Variants in KHDC1 observed in about 807,000 individuals in gnomAD.
The protein encoded by KHDC1 is KH domain containing 1.
Under a neutral mutation model 24.7 loss-of-function variants are expected in KHDC1, and 21 were observed. The ratio of observed to expected loss-of-function variants is 0.85; its 90% CI spans 0.60 to 1.23. The LOEUF is 1.23. KHDC1 is among the 50% of genes most tolerant of loss of function. KHDC1 has a pLI of 0.00. For synonymous variants in KHDC1, 98 were observed against 111.7 expected, an observed-to-expected ratio of 0.88 and a Z score of 0.77; for missense variants, 274 against 298.5, an observed-to-expected ratio of 0.92 and a Z score of 0.61.
At chr6:73,291,229 G>A in intron 2 of KHDC1, 1 of 432,566 alleles carries the variant, frequency 2.3e-6, no homozygotes, top group Middle Eastern at 7.7e-4. Flanking sequence ...CCACTGCTCA[G>A]ACCACTGAAT....
chr6:73,296,285 T>C (rs1408208235), intron 1 of KHDC1, among the ~76,000 whole-genome samples: 1 of 151,626 alleles, frequency 6.6e-6, no homozygotes, highest in Non-Finnish European at 1.5e-5. Flanking sequence ...CAATACCCTG[T>C]CTCCTCTAAA....
chr6:73,285,644 T>C (rs1489237117), intron 2 of KHDC1, among the ~76,000 whole-genome samples: 2 of 144,420 alleles, frequency 1.4e-5, no homozygotes, highest in African/African-American at 5.5e-5. Flanking sequence ...CATTTTCTTT[T>C]TTTTCTTTTT....
intron 2 of KHDC1, among the ~76,000 whole-genome samples, chr6:73,261,110 C>G (rs1158424912): frequency 6.6e-6 from 1 of 152,170 alleles, no homozygotes; most frequent in Admixed American, 6.5e-5. Flanking sequence ...CCAGTTGATT[C>G]AAGTCTTGCC....
chr6:73,306,426 A>G (rs1349564659), intron 1 of KHDC1, among the ~76,000 whole-genome samples: 1 of 152,148 alleles, frequency 6.6e-6, no homozygotes, highest in Non-Finnish European at 1.5e-5. Context: ...ATCCAGGAGC[A>G]TCAGTTCTGC....
At chr6:73,282,638 C>G (rs973267248) in intron 2 of KHDC1, among the ~76,000 whole-genome samples, 6 of 152,136 alleles carry the variant, frequency 3.9e-5, no homozygotes, top group African/African-American at 1.4e-4. Flanking sequence ...CCCTAAACTG[C>G]TCTTAAGATC....
chr6:73,258,283 T>C (rs1766917096), intron 2 of KHDC1, among the ~76,000 whole-genome samples: 1 of 151,470 alleles, frequency 6.6e-6, no homozygotes, highest in Admixed American at 6.6e-5. Context: ...AGTAAGTAAG[T>C]AGTAATTAAG....
intron 2 of KHDC1, among the ~76,000 whole-genome samples, chr6:73,267,333 A>G (rs1767092383): frequency 6.6e-6 from 1 of 152,086 alleles, no homozygotes; most frequent in South Asian, 2.1e-4. Flanking sequence ...AAATGCAAAA[A>G]TTAGCTGGTT....
chr6:73,307,812 T>C (rs1453537456), intron 1 of KHDC1, among the ~76,000 whole-genome samples: 2 of 152,180 alleles, frequency 1.3e-5, no homozygotes, highest in Non-Finnish European at 2.9e-5. Flanking sequence ...CCACATCACC[T>C]GGAGGTCTTC....
chr6:73,261,183 C>G (rs1766973288), intron 2 of KHDC1, among the ~76,000 whole-genome samples: 2 of 152,216 alleles, frequency 1.3e-5, no homozygotes, highest in Admixed American at 6.5e-5. Context: ...TGGCTCACAC[C>G]TGTAATCCCA....
At chr6:73,249,733 T>C (rs1290216036) in intron 2 of KHDC1, among the ~76,000 whole-genome samples, 1 of 152,024 alleles carries the variant, frequency 6.6e-6, no homozygotes. Context: ...TAGAGGGGTT[T>C]TTATTTTTGT....
exon 1 of KHDC1, chr6:73,309,757 G>C (rs964295105): frequency 3.2e-6 from 5 of 1,545,166 alleles, no homozygotes; most frequent in Non-Finnish European, 4.4e-6. Context: ...GCTAAGGCAC[G>C]AGTAGTACAG....
At chr6:73,280,111 T>C (rs1767376387) in intron 2 of KHDC1, among the ~76,000 whole-genome samples, 1 of 152,176 alleles carries the variant, frequency 6.6e-6, no homozygotes, top group Non-Finnish European at 1.5e-5. Flanking sequence ...TACCCAGATA[T>C]TTACCCTCCT....
intron 1 of KHDC1, among the ~76,000 whole-genome samples, chr6:73,306,167 C>T (rs564659819): frequency 3.9e-5 from 6 of 152,156 alleles, no homozygotes; most frequent in Admixed American, 1.3e-4. Flanking sequence ...TGAATCCTCA[C>T]CCTTCCTGCC....
rs369171739 is a variant in KHDC1, at chr6:73,242,480, C to G, written c.257G>C (p.Trp86Ser). 246 of 1,614,000 alleles carry G rather than the reference C, an allele frequency of 1.5e-4. No individual in the cohort carries two copies. The highest frequency in any genetic ancestry group is 1.9e-4 in the Non-Finnish European group (229 of 1,180,034). ...ATGAAAGTTTTGAGGCAGGGTCCAC[C>G]ACGGCTTCTTGCTGAGAGCACTCGT... Residue 86 changes from tryptophan to serine, a missense_variant, in exon 3 of 5, where the codon TGG (tryptophan) becomes TCG (serine). Trp to Ser is a radical substitution (Grantham distance 177, BLOSUM62 -3). Coordinates refer to ENST00000370384, the Ensembl canonical transcript of KHDC1.
At chr6:73,241,622 C>A in exon 5 of KHDC1, 2 of 1,614,200 alleles carry the variant, frequency 1.2e-6, no homozygotes, top group South Asian at 2.2e-5. Flanking sequence ...TTCCACTTAT[C>A]CTGGGAGCCA....
intron 2 of KHDC1, among the ~76,000 whole-genome samples, chr6:73,267,070 C>T (rs554565070): frequency 1.3e-5 from 2 of 152,152 alleles, no homozygotes; most frequent in Admixed American, 6.5e-5. Flanking sequence ...TCTCCAAAGA[C>T]GATATACAAA....
intron 2 of KHDC1, chr6:73,291,188 T>C: frequency 2.1e-6 from 1 of 478,356 alleles, no homozygotes. Context: ...TTGGAGCACT[T>C]AGCCTACCAT....
intron 2 of KHDC1, among the ~76,000 whole-genome samples, chr6:73,257,013 TG>T (rs1211230606): frequency 2.0e-5 from 3 of 152,010 alleles, no homozygotes; most frequent in Non-Finnish European, 2.9e-5. Context: ...GCATGGCCAG[TG>T]GGGCACGGTG....
At chr6:73,249,578 C>T (rs1766741386) in intron 2 of KHDC1, among the ~76,000 whole-genome samples, 1 of 152,062 alleles carries the variant, frequency 6.6e-6, no homozygotes, top group African/African-American at 2.4e-5. Context: ...AAGTAATCAT[C>T]TTTATTTCGT....
Sources: gnomAD v4.1 joint callset for allele counts (sites outside exome capture counted in the v4.1 genomes callset) on GRCh38, gnomAD v4.1.1 for gene constraint, MANE v1.5 for transcripts, NCBI Gene and HGNC (gene_info 2026-07-23, HGNC 2026-07-21) for gene names.